TMEM63C: variants seen among roughly 807,000 people sequenced by gnomAD.
The protein encoded by TMEM63C is osmosensitive cation channel TMEM63C.
In TMEM63C, 32 loss-of-function variants were observed where a neutral mutation model predicts 99.2. That is an observed-to-expected ratio of 0.32 (90% confidence interval 0.24 to 0.43). The LOEUF is 0.43. Among genes scored for constraint, TMEM63C ranks in the 20% least tolerant of loss-of-function variants. The pLI is 1.00. For synonymous variants in TMEM63C, 376 were observed against 397.9 expected (o/e 0.94, Z 0.66); for missense variants, 826 against 1,053.0 (o/e 0.78, Z 2.98).
intron 1 of TMEM63C, among the ~76,000 whole-genome samples, chr14:77,194,555 C>CTTTCTTTCTT (rs1888181468): frequency 3.9e-4 from 7 of 17,926 alleles, no homozygotes; most frequent in African/African-American, 1.3e-3. Context: ...CTTTCTTTCT[C>CTTTCTTTCTT]TTTCTTTCTT....
At chr14:77,227,163 A>AATAT (rs1888843028) in intron 6 of TMEM63C, among the ~76,000 whole-genome samples, 1 of 152,200 alleles carries the variant, frequency 6.6e-6, no homozygotes, top group African/African-American at 2.4e-5. Flanking sequence ...AACTCAGAAC[A>AATAT]ATATATGTGT....
chr14:77,242,809 G>A, intron 14 of TMEM63C, 94 bp from the exon 15 acceptor site: 6 of 1,465,158 alleles, frequency 4.1e-6, no homozygotes, highest in Admixed American at 3.4e-5. Flanking sequence ...TTAGACCAGG[G>A]CAGGCTGGGT....
intron 1 of TMEM63C, among the ~76,000 whole-genome samples, chr14:77,211,770 T>C (rs374477422): frequency 6.6e-6 from 1 of 152,126 alleles, no homozygotes; most frequent in Non-Finnish European, 1.5e-5. Flanking sequence ...GCTTTTGGCA[T>C]AGGAACCCAG....
intron 1 of TMEM63C, among the ~76,000 whole-genome samples, chr14:77,189,581 A>G (rs1264030050): frequency 6.6e-6 from 1 of 152,254 alleles, no homozygotes; most frequent in Non-Finnish European, 1.5e-5. Flanking sequence ...TGTCAGTAAC[A>G]CTTCATTTAA....
chr14:77,229,124 T>G (rs567992715), intron 6 of TMEM63C, among the ~76,000 whole-genome samples: 2 of 151,168 alleles, frequency 1.3e-5, no homozygotes, highest in South Asian at 4.2e-4. Flanking sequence ...ATAAAGGAGG[T>G]TGGGCATGGT....
chr14:77,228,763 C>A (rs1301277582), intron 6 of TMEM63C, among the ~76,000 whole-genome samples: 2 of 152,076 alleles, frequency 1.3e-5, no homozygotes, highest in African/African-American at 4.8e-5. Context: ...TCTTGAACTC[C>A]TGATCTCAAG....
chr14:77,218,687 G>T, intron 2 of TMEM63C, 114 bp from the exon 3 acceptor site: 1 of 1,073,974 alleles, frequency 9.3e-7, no homozygotes, highest in Non-Finnish European at 1.4e-6. Flanking sequence ...GTCTGAAGTG[G>T]CCTAGCCTGG....
rs114208374 is a variant in TMEM63C, at chr14:77,253,097, G to C, written c.2149-208G>C. ...CCCCCAGTGATGGCCCTTGGGAATA[G>C]AACATTCCAGAAGGGACTCCCTTGC... On this transcript the variant is annotated intron_variant, in intron 22 of 23. Transcript: ENST00000298351. 4.6e-3 allele frequency among the ~76,000 whole-genome samples: 699 copies of C among 152,302 alleles called. 6 individuals carry two copies. Among genetic ancestry groups the C allele is most frequent in the African/African-American group, 0.016 (658 of 41,560 alleles).
chr14:77,202,056 G>C (rs1246026784), intron 1 of TMEM63C, among the ~76,000 whole-genome samples: 1 of 152,176 alleles, frequency 6.6e-6, no homozygotes, highest in Non-Finnish European at 1.5e-5. Flanking sequence ...CCTGCAGCAG[G>C]GGCCCCAGGG....
rs1001289924 is a variant in TMEM63C at position 77,219,999 on chromosome 14, C to T, written c.231-7C>T. The T allele has an allele frequency of 1.9e-6, 3 of 1,555,886 alleles. No homozygotes were observed. In the African/African-American group the frequency reaches 4.1e-5, roughly 21 times the overall value. On this transcript the variant is annotated splice_region_variant and splice_polypyrimidine_tract_variant and intron_variant, in intron 4 of 23. Transcript: ENST00000298351. ...TCTTACCTCCCTGCCCCTTCCCTGG[C>T]TGGCAGCCTGACCTCGCTGATCTAT...
chr14:77,238,658 C>G, intron 9 of TMEM63C, 36 bp from the exon 10 acceptor site: 2 of 1,551,982 alleles, frequency 1.3e-6, no homozygotes, highest in Non-Finnish European at 8.9e-7. Context: ...TATGCAAGCA[C>G]AGTCTTCTTT....
chr14:77,208,450 G>A (rs904584786), intron 1 of TMEM63C, among the ~76,000 whole-genome samples: 4 of 152,134 alleles, frequency 2.6e-5, no homozygotes, highest in African/African-American at 4.8e-5. Flanking sequence ...TCCTGTCCTC[G>A]GCATGGCTTG....
chr14:77,194,718 CG>C (rs1362085403), intron 1 of TMEM63C, among the ~76,000 whole-genome samples: 1 of 145,072 alleles, frequency 6.9e-6, no homozygotes, highest in Non-Finnish European at 1.5e-5. Flanking sequence ...GGACTACAGG[CG>C]GACACCACCA....
rs573613212 is a variant in TMEM63C, at chr14:77,244,410, C to T, written c.1403C>T (p.Pro468Leu). Residue 468 changes from proline to leucine, a missense_variant, in exon 16 of 24, where the codon CCT becomes CTT. Transcript: ENST00000298351. ...CTCTGGGGCTTCACAGTGATACTGC[C>T]TCTGATTGTCTACTTCTCCGCCTTC... ...VMLWGFTVIL[P>L]LIVYFSAFLE... 2 of 1,613,954 alleles carry T rather than the reference C, an allele frequency of 1.2e-6. No individual in the cohort carries two copies. The highest frequency in any genetic ancestry group is 1.7e-6 in the Non-Finnish European group (2 of 1,179,900).
At chr14:77,249,238 A>T in intron 20 of TMEM63C, 53 bp from the exon 21 acceptor site, 1 of 1,588,024 alleles carries the variant, frequency 6.3e-7, no homozygotes, top group Non-Finnish European at 8.6e-7. Flanking sequence ...CTGGAGCCAC[A>T]AAGGTCCAGA....
At chr14:77,217,246 C>T (rs774663912) in intron 2 of TMEM63C, among the ~76,000 whole-genome samples, 17 of 152,158 alleles carry the variant, frequency 1.1e-4, no homozygotes, top group Non-Finnish European at 2.1e-4. Context: ...CCCAACTCTC[C>T]GGGCAAGCTC....
intron 8 of TMEM63C, 149 bp from the exon 9 acceptor site, chr14:77,236,475 G>T: frequency 1.6e-6 from 1 of 616,080 alleles, no homozygotes. Context: ...GGTCTGGGGA[G>T]ACTTGGATGG....
chr14:77,214,840 A>G (rs369307), intron 2 of TMEM63C, among the ~76,000 whole-genome samples: 149,067 of 152,014 alleles, frequency 0.98, 73,153 homozygotes, highest in Middle Eastern at 1. Context: ...TCCCACTTTC[A>G]GCATGCCACT....
chr14:77,190,421 T>C (rs1888083845), intron 1 of TMEM63C, among the ~76,000 whole-genome samples: 1 of 152,164 alleles, frequency 6.6e-6, no homozygotes, highest in African/African-American at 2.4e-5. Flanking sequence ...TAAATTATTC[T>C]ATGAAGCACG....
Sources: gnomAD v4.1 joint callset for allele counts (sites outside exome capture counted in the v4.1 genomes callset) on GRCh38, gnomAD v4.1.1 for gene constraint, MANE v1.5 for transcripts, NCBI Gene and HGNC (gene_info 2026-07-23, HGNC 2026-07-21) for gene names.